KIAA0825: variants seen among roughly 807,000 people sequenced by gnomAD.
KIAA0825 encodes the protein uncharacterized protein KIAA0825.
A neutral mutation model predicts 147.6 loss-of-function variants in KIAA0825; 119 were observed. The observed-to-expected ratio is 0.81, with a 90% CI of 0.69 to 0.94. The LOEUF (loss-of-function observed/expected upper bound fraction) is 0.94, where lower values mean the gene tolerates loss of function less well. Ranked by LOEUF, KIAA0825 falls within the 40% of genes least tolerant of loss-of-function variation. KIAA0825 has a pLI of 0.00. For missense variants in KIAA0825, 1,381 were observed against 1,472.7 expected (o/e 0.94, Z 1.02); for synonymous variants, 470 against 518.1 (o/e 0.91, Z 1.26).
chr5:94,381,790 A>ATACTGCTT (rs1263394800), intron 20 of KIAA0825, among the ~76,000 whole-genome samples: 2 of 152,170 alleles, frequency 1.3e-5, no homozygotes, highest in African/African-American at 4.8e-5. Context: ...GAACACAGGA[A>ATACTGCTT]TCCTGCTTTC....
intron 20 of KIAA0825, among the ~76,000 whole-genome samples, chr5:94,191,744 A>G (rs1770694166): frequency 1.3e-5 from 2 of 152,202 alleles, no homozygotes; most frequent in African/African-American, 2.4e-5. Flanking sequence ...AGCCTTCTGT[A>G]CCCCAGATGC....
rs145017521 is a variant in KIAA0825 at position 94,184,915 on chromosome 5, C to T, written c.3711-30791G>A. ...CTGGCAGCTGGGTGTATCCAGTTAT[C>T]TATTGTATAACAAGCCACCCCAAAA... On this transcript the variant is annotated intron_variant, in intron 20 of 20. Coordinates refer to ENST00000682413, the MANE Select transcript of KIAA0825 (RefSeq NM_001145678.3). Among the ~76,000 whole-genome samples the T allele has an allele frequency of 1.4e-3, 214 of 152,296 alleles. 1 individual carries two copies. The highest frequency in any genetic ancestry group is 4.6e-3 in the African/African-American group (193 of 41,562).
At chr5:94,495,184 A>G (rs188495362) in intron 5 of KIAA0825, among the ~76,000 whole-genome samples, 7 of 152,356 alleles carry the variant, frequency 4.6e-5, no homozygotes, top group African/African-American at 9.6e-5. Flanking sequence ...TGCCCACCTG[A>G]AAAGCTGTAC....
chr5:94,444,699 C>T (rs759498549), intron 13 of KIAA0825, among the ~76,000 whole-genome samples: 1 of 151,840 alleles, frequency 6.6e-6, no homozygotes, highest in Non-Finnish European at 1.5e-5. Flanking sequence ...GGTACTGTAG[C>T]CTGTCCTGCT....
At chr5:94,231,147 C>T (rs1774663463) in intron 20 of KIAA0825, among the ~76,000 whole-genome samples, 1 of 152,058 alleles carries the variant, frequency 6.6e-6, no homozygotes, top group Non-Finnish European at 1.5e-5. Context: ...TGAGGAAAGA[C>T]TGCATAATTT....
intron 20 of KIAA0825, among the ~76,000 whole-genome samples, chr5:94,364,238 C>T (rs1745484541): frequency 6.6e-6 from 1 of 151,302 alleles, no homozygotes; most frequent in African/African-American, 2.4e-5. Context: ...TGGAGAGGGG[C>T]TTGGGATGGA....
chr5:94,179,910 A>G (rs948351856), intron 20 of KIAA0825, among the ~76,000 whole-genome samples: 1 of 152,088 alleles, frequency 6.6e-6, no homozygotes, highest in Non-Finnish European at 1.5e-5. Context: ...TCTTTCTTAT[A>G]TAATAATCAC....
chr5:94,373,186 C>G (rs1263322331), intron 20 of KIAA0825, among the ~76,000 whole-genome samples: 2 of 152,204 alleles, frequency 1.3e-5, no homozygotes, highest in African/African-American at 4.8e-5. Flanking sequence ...AAGTTCCAAA[C>G]TCTTCCACAT....
intron 5 of KIAA0825, among the ~76,000 whole-genome samples, chr5:94,503,776 G>A (rs998638807): frequency 6.6e-6 from 1 of 152,146 alleles, no homozygotes; most frequent in African/African-American, 2.4e-5. Flanking sequence ...GGTTCTGAAG[G>A]AAAGTCCTGC....
intron 16 of KIAA0825, 125 bp downstream of exon 16, chr5:94,403,444 T>G (rs1168461743): frequency 1.5e-6 from 1 of 678,214 alleles, no homozygotes; most frequent in African/African-American, 1.8e-5. Flanking sequence ...GTCGCACATC[T>G]ACTTAATGGA....
At chr5:94,609,952 T>G (rs1044329624) in intron 1 of KIAA0825, among the ~76,000 whole-genome samples, 1 of 152,150 alleles carries the variant, frequency 6.6e-6, no homozygotes, top group Non-Finnish European at 1.5e-5. Context: ...AGAACTGAAC[T>G]GCCATGAGCA....
intron 1 of KIAA0825, among the ~76,000 whole-genome samples, chr5:94,610,435 AAAAAAGAAAAAG>A (rs1160157627): frequency 6.7e-6 from 1 of 149,046 alleles, no homozygotes; most frequent in Non-Finnish European, 1.5e-5. Context: ...TCAAAAAAAA[AAAAAAGAAAAAG>A]AAAAAGAAAA....
In KIAA0825 at chr5:94,151,120, A is replaced by T. The variant is rs959320063; in HGVS notation, c.*2887T>A. ...CTGCTTTGAAATACCACTTCTTATT[A>T]TACTTAAAAAAACATGGCCGGGCGC... On this transcript the variant is annotated 3_prime_UTR_variant, in exon 21 of 21. Coordinates refer to ENST00000682413, the MANE Select transcript of KIAA0825 (RefSeq NM_001145678.3). 6.6e-6 allele frequency among the ~76,000 whole-genome samples: 1 copy of T among 152,126 alleles called. No individual in the cohort carries two copies. The highest frequency in any genetic ancestry group is 1.5e-5 in the Non-Finnish European group (1 of 68,024).
intron 20 of KIAA0825, among the ~76,000 whole-genome samples, chr5:94,299,429 C>T (rs1380357616): frequency 6.6e-6 from 1 of 151,566 alleles, no homozygotes; most frequent in African/African-American, 2.4e-5. Context: ...CTGCGTTGCC[C>T]AGGCTGGTTT....
At chr5:94,401,714 G>A (rs1235378681) in intron 16 of KIAA0825, among the ~76,000 whole-genome samples, 1 of 152,046 alleles carries the variant, frequency 6.6e-6, no homozygotes, top group Non-Finnish European at 1.5e-5. Flanking sequence ...CCAAAAAATT[G>A]TACATCTCTT....
intron 20 of KIAA0825, among the ~76,000 whole-genome samples, chr5:94,349,393 C>T (rs993833515): frequency 2.6e-5 from 4 of 152,200 alleles, no homozygotes; most frequent in Non-Finnish European, 4.4e-5. Flanking sequence ...GTCATCAAGA[C>T]GGAAAGTCAA....
chr5:94,357,040 A>T (rs894597954), intron 20 of KIAA0825, among the ~76,000 whole-genome samples: 6 of 152,158 alleles, frequency 3.9e-5, no homozygotes, highest in Admixed American at 6.5e-5. Context: ...ACCAAATTTT[A>T]AAAAAATAAA....
chr5:94,529,826 C>T (rs1770410746), intron 3 of KIAA0825, among the ~76,000 whole-genome samples: 1 of 152,146 alleles, frequency 6.6e-6, no homozygotes, highest in Non-Finnish European at 1.5e-5. Flanking sequence ...AAAACAAATG[C>T]AATAAATACC....
intron 7 of KIAA0825, among the ~76,000 whole-genome samples, chr5:94,474,473 G>T (rs17083733): frequency 0.027 from 4,115 of 152,118 alleles, 177 homozygotes; most frequent in African/African-American, 0.095. Context: ...CTTGATCTCA[G>T]GGGTTTTTTT....
Sources: allele counts gnomAD v4.1 joint callset (sites outside exome capture counted in the v4.1 genomes callset), GRCh38; gene constraint gnomAD v4.1.1; transcripts MANE v1.5; gene names NCBI Gene and HGNC (gene_info 2026-07-23, HGNC 2026-07-21).